The following UTP25 variants were observed in gnomAD, a reference collection of about 807,000 sequenced individuals.
UTP25 encodes U3 small nucleolar RNA-associated protein 25 homolog.
In UTP25, 50 loss-of-function variants were observed where a neutral mutation model predicts 78.9. The observed-to-expected ratio is 0.63, with a 90% CI of 0.50 to 0.80. The LOEUF (loss-of-function observed/expected upper bound fraction) is 0.80. UTP25 is among the 30% of genes least tolerant of loss of function. UTP25 has a pLI of 0.00. For synonymous variants in UTP25, 329 were observed against 336.5 expected (o/e 0.98, Z 0.24); for missense variants, 846 against 911.3 (o/e 0.93, Z 0.92).
Position 209,828,162 on chromosome 1 carries a change from C to G in UTP25, c.99C>G (p.Phe33Leu). The G allele has an allele frequency of 1.2e-6, 2 of 1,613,800 alleles. No homozygotes were observed. Among genetic ancestry groups the G allele is most frequent in the East Asian group, 2.2e-5 (1 of 44,866 alleles). ...GAGATTTCGGCGAGGAGCATCCCTT[C>G]TATGACAGGTCTGAAGGGGCGTGGC... ...HLRDFGEEHPFYDRVSRKEAK... is the reference protein window; with the variant it reads ...HLRDFGEEHPLYDRVSRKEAK... Residue 33 changes from phenylalanine to leucine, a missense_variant, in exon 1 of 12, where the codon TTC becomes TTG. Coordinates refer to ENST00000491415, the MANE Select transcript of UTP25 (RefSeq NM_014388.7).
intron 7 of UTP25, 121 bp from the exon 8 acceptor site, chr1:209,840,732 C>T (rs371283891): frequency 4.5e-5 from 41 of 910,202 alleles, no homozygotes; most frequent in East Asian, 2.4e-4. Flanking sequence ...AGCACAGTTA[C>T]ATGCTAAGAG....
In UTP25 at chr1:209,842,276, T is replaced by C. The variant is rs2078171178; in HGVS notation, c.1497T>C (p.Asn499=). 1.2e-6 allele frequency: 2 copies of C among 1,613,528 alleles called. No individual in the cohort carries two copies. Among genetic ancestry groups the C allele is most frequent in the Non-Finnish European group, 1.7e-6 (2 of 1,179,918 alleles). The change falls in exon 9 of 12, where the codon AAT becomes AAC. Residue 499 remains asparagine (N), a synonymous_variant. Transcript: ENST00000491415. ...ATTTCCACTCAAAGCATTTGATGAA[T>C]CACATGAACCTACTACCCCTGGACT... ...QNWEHVLHLM[N]HMNLLPLDSH...
At chr1:209,838,795 G>T in intron 6 of UTP25, 114 bp from the exon 7 acceptor site, 9 of 1,160,468 alleles carry the variant, frequency 7.8e-6, no homozygotes, top group Non-Finnish European at 1.0e-5. Flanking sequence ...ATGTTTCTTG[G>T]CTGGGGGCCA....
Position 209,837,197 on chromosome 1 carries a change from T to C in UTP25, c.1048T>C (p.Leu350=). Residue 350 remains leucine (L), a synonymous_variant, in exon 6 of 12, where the codon TTA becomes CTA. Coordinates refer to ENST00000491415, the MANE Select transcript of UTP25 (RefSeq NM_014388.7). Reference sequence around the variant, plus strand: ...TGATGATGACTTCAGAGACCAAGGGTTAACAAGGCCCAAGGTGAGTCCAGC... The same window carrying C: ...TGATGATGACTTCAGAGACCAAGGGCTAACAAGGCCCAAGGTGAGTCCAGC... The part of the protein sequence containing the change: ...GDDDDFRDQG[L]TRPKVLIVVP... 1 of 1,613,534 alleles carries C rather than the reference T, an allele frequency of 6.2e-7. No homozygotes were observed. The highest frequency in any genetic ancestry group is 8.5e-7 in the Non-Finnish European group (1 of 1,179,808).
intron 11 of UTP25, among the ~76,000 whole-genome samples, 174 bp from the exon 12 acceptor site, chr1:209,851,030 T>G (rs1328862048): frequency 2.6e-5 from 4 of 152,220 alleles, no homozygotes; most frequent in Non-Finnish European, 5.9e-5. Flanking sequence ...TAAAAAGAAT[T>G]CAAATATGTT....
chr1:209,836,027 G>A (rs592164), intron 5 of UTP25, among the ~76,000 whole-genome samples: 79,214 of 151,942 alleles, frequency 0.52, 21,134 homozygotes, highest in Non-Finnish European at 0.55. Flanking sequence ...AACCATATCT[G>A]CCTCCCTCTG....
In UTP25 at chr1:209,839,050, G is replaced by A. The variant is rs1368599854; in HGVS notation, c.1204G>A (p.Glu402Lys). 1.9e-6 allele frequency: 3 copies of A among 1,614,128 alleles called. No homozygotes were observed. The highest frequency in any genetic ancestry group is 1.1e-5 in the South Asian group (1 of 91,088). Residue 402 changes from glutamate (E) to lysine (K), a missense_variant, in exon 7 of 12, where the codon GAG (glutamate) becomes AAG (lysine). Transcript: ENST00000491415. ...FQGEYGSDPE[E>K]RPPNLKRPED... ...GGGAGAATATGGATCAGATCCCGAG[G>A]AGAGACCACCCAACTTGAAGAGGCC...
At chr1:209,830,076 G>A (rs2078094241) in intron 1 of UTP25, 32 bp from the exon 2 acceptor site, 2 of 1,595,790 alleles carry the variant, frequency 1.3e-6, no homozygotes, top group African/African-American at 1.3e-5. Flanking sequence ...CATACTAGTA[G>A]TTAGAATGTA....
intron 6 of UTP25, 146 bp downstream of exon 6, chr1:209,837,357 AGG>A: frequency 1.1e-6 from 1 of 946,746 alleles, no homozygotes; most frequent in African/African-American, 1.7e-5. Context: ...TAAGTAGGCC[AGG>A]TAGTGTCAGA....
At position 209,842,357 on chromosome 1, in the gene UTP25, G is replaced by C. The variant is rs1183901406; in HGVS notation, c.1578G>C (p.Lys526Asn). The C allele has an allele frequency of 6.2e-6, 10 of 1,614,032 alleles. No homozygotes were observed. The highest frequency in any genetic ancestry group is 2.7e-5 in the African/African-American group (2 of 74,924). ...VRMWSLNNWS[K>N]YYRQTLLFGA... ...TGTGGAGCCTCAATAATTGGTCCAA[G>C]TACTATCGCCAGACACTGCTATTTG... The change falls in exon 9 of 12, where the codon AAG becomes AAC. Residue 526 changes from lysine to asparagine, a missense_variant. Transcript: ENST00000491415.
chr1:209,852,056 A>G lies in UTP25; in HGVS notation c.*609A>G, dbSNP rs1436233021. ...TTTAGTTTTGTTCAAATATATGCTT[A>G]AAATCACGTTATTTAAAAAACACAT... On this transcript the variant is annotated 3_prime_UTR_variant, in exon 12 of 12. Transcript: ENST00000491415. The G allele has an allele frequency of 6.6e-6, 1 of 152,236 alleles. No homozygotes were observed. The highest frequency in any genetic ancestry group is 1.5e-5 in the Non-Finnish European group (1 of 68,052). The allele number at this position is 152,236 out of a possible 1,614,324, so 9.4% of individuals were successfully genotyped here.
In UTP25 at chr1:209,830,984, G is replaced by C. The variant is rs984070437; in HGVS notation, c.329G>C (p.Gly110Ala). Residue 110 changes from glycine (G) to alanine (A), a missense_variant, in exon 3 of 12, where the codon GGT becomes GCT. Coordinates refer to ENST00000491415, the MANE Select transcript of UTP25 (RefSeq NM_014388.7). The part of the protein sequence containing the change: ...VDDAEMNDED[G>A]GSDVSVEEEM... ...GATGCAGAAATGAACGATGAAGATG[G>C]TGGTAGCGATGTCAGTGTGGAAGAA... 6.2e-7 allele frequency: 1 copy of C among 1,613,956 alleles called. No individual in the cohort carries two copies. The highest frequency in any genetic ancestry group is 8.5e-7 in the Non-Finnish European group (1 of 1,179,994).
At chr1:209,845,863 C>CTTTTT (rs72219049) in intron 11 of UTP25, among the ~76,000 whole-genome samples, 1 of 111,498 alleles carries the variant, frequency 9.0e-6, no homozygotes, top group African/African-American at 3.3e-5. Context: ...TTTTCTTTTT[C>CTTTTT]TTTTTTTTTT....
chr1:209,834,573 G>A (rs1204167331), intron 4 of UTP25, among the ~76,000 whole-genome samples: 1 of 110,972 alleles, frequency 9.0e-6, no homozygotes, highest in East Asian at 2.1e-4. Context: ...GGGCAGAGTA[G>A]GAGACTTGAG....
At chr1:209,839,195 G>A (rs1240273321) in intron 7 of UTP25, 67 bp downstream of exon 7, 1 of 1,404,598 alleles carries the variant, frequency 7.1e-7, no homozygotes, top group African/African-American at 1.4e-5. Flanking sequence ...ACCAGAAGCT[G>A]GAATTAGATA....
chr1:209,838,860 C>T (rs1308944352), intron 6 of UTP25, 49 bp from the exon 7 acceptor site: 1 of 1,593,170 alleles, frequency 6.3e-7, no homozygotes. Context: ...ACCTCAAGAT[C>T]CTGTTCCTTC....
At position 209,854,378 on chromosome 1, in the gene UTP25, T is replaced by A. The variant is rs2205984; in HGVS notation, c.*2931T>A. On this transcript the variant is annotated 3_prime_UTR_variant, in exon 12 of 12. Transcript: ENST00000491415. ...GCTTCTCACAGCTGGCTGCACCACG[T>A]GCAGTGTTCAAAAAACAAGAACAAG... 0.14 allele frequency: 21,017 copies of A among 152,220 alleles called. 1,695 individuals carry two copies. Among genetic ancestry groups the A allele is most frequent in the South Asian group, 0.22 (1,040 of 4,816 alleles). 9.4% of individuals were successfully genotyped at this position (152,220 alleles called of 1,614,324 possible).
At chr1:209,850,262 T>A (rs2102583441) in intron 11 of UTP25, among the ~76,000 whole-genome samples, 1 of 152,362 alleles carries the variant, frequency 6.6e-6, no homozygotes, top group South Asian at 2.1e-4. Context: ...TTTATTCAAG[T>A]TCATTAGCCG....
At chr1:209,839,585 C>T (rs2078154877) in intron 7 of UTP25, among the ~76,000 whole-genome samples, 2 of 152,170 alleles carry the variant, frequency 1.3e-5, no homozygotes, top group South Asian at 4.1e-4. Flanking sequence ...CCACACATGA[C>T]TTCCACCCAA....
Sources: allele counts gnomAD v4.1 joint callset (sites outside exome capture counted in the v4.1 genomes callset), GRCh38; gene constraint gnomAD v4.1.1; transcripts MANE v1.5; gene names NCBI Gene and HGNC (gene_info 2026-07-23, HGNC 2026-07-21).